DHRSX: variants seen among roughly 807,000 people sequenced by gnomAD.
DHRSX encodes the protein polyprenol dehydrogenase.
DHRSX carries 31 observed loss-of-function variants against 34.0 expected under a neutral mutation model. The ratio of observed to expected loss-of-function variants is 0.91; its 90% CI spans 0.69 to 1.23. DHRSX has a LOEUF of 1.23. DHRSX is among the 50% of genes most tolerant of loss of function. The pLI is 0.00. For synonymous variants in DHRSX, 201 were observed against 183.8 expected, an observed-to-expected ratio of 1.09 and a Z score of -0.76; for missense variants, 414 against 428.1, an observed-to-expected ratio of 0.97 and a Z score of 0.29.
intron 1 of DHRSX, among the ~76,000 whole-genome samples, chrX:2,482,776 C>A (rs1328733885): frequency 6.6e-6 from 1 of 152,112 alleles, no homozygotes; most frequent in Non-Finnish European, 1.5e-5. Context: ...CAGTTAAACA[C>A]AAATAAAATA....
intron 4 of DHRSX, among the ~76,000 whole-genome samples, chrX:2,288,059 TG>T (rs768211982): frequency 3.9e-4 from 59 of 151,898 alleles, no homozygotes; most frequent in Admixed American, 6.6e-4. Flanking sequence ...ATGATCCTGG[TG>T]GGCCCCAAAT....
At chrX:2,472,760 A>C (rs1401701331) in intron 1 of DHRSX, among the ~76,000 whole-genome samples, 2 of 152,080 alleles carry the variant, frequency 1.3e-5, no homozygotes, top group Admixed American at 1.3e-4. Context: ...CAAGAGTGCA[A>C]ATCATCTCAA....
chrX:2,225,032 CACATTCACACAT>C (rs1415575217), intron 6 of DHRSX, among the ~76,000 whole-genome samples: 1 of 148,866 alleles, frequency 6.7e-6, no homozygotes, highest in Non-Finnish European at 1.5e-5. Flanking sequence ...GCACACAGCT[CACATTCACACAT>C]GCATTCACAT....
At chrX:2,467,906 G>T (rs184550158) in intron 1 of DHRSX, among the ~76,000 whole-genome samples, 14,706 of 150,742 alleles carry the variant, frequency 0.098, 833 homozygotes, top group East Asian at 0.21. Context: ...GAGGTTGCAG[G>T]GAGCTGAGAT....
At chrX:2,413,815 T>G (rs1305790652) in intron 2 of DHRSX, among the ~76,000 whole-genome samples, 1 of 152,116 alleles carries the variant, frequency 6.6e-6, no homozygotes, top group African/African-American at 2.4e-5. Flanking sequence ...ATACACCTCA[T>G]CATAACTTAA....
At chrX:2,450,922 G>A (rs1165532643) in intron 1 of DHRSX, among the ~76,000 whole-genome samples, 1 of 151,910 alleles carries the variant, frequency 6.6e-6, no homozygotes, top group Non-Finnish European at 1.5e-5. Flanking sequence ...TGGGATCAGT[G>A]TCCTTATAAA....
At chrX:2,431,958 C>A (rs769821543) in intron 1 of DHRSX, among the ~76,000 whole-genome samples, 1 of 151,990 alleles carries the variant, frequency 6.6e-6, no homozygotes, top group Non-Finnish European at 1.5e-5. Flanking sequence ...TTTGGGAGGC[C>A]GAGACGGGTG....
intron 2 of DHRSX, among the ~76,000 whole-genome samples, chrX:2,412,366 G>A (rs1180111710): frequency 2.6e-5 from 4 of 152,184 alleles, no homozygotes; most frequent in Non-Finnish European, 5.9e-5. Context: ...TGACAGACAT[G>A]AGCCACTGCA....
At chrX:2,247,284 A>G (rs1172508656) in intron 5 of DHRSX, among the ~76,000 whole-genome samples, 1 of 151,952 alleles carries the variant, frequency 6.6e-6, no homozygotes, top group African/African-American at 2.4e-5. Context: ...TCCCTGTTAT[A>G]AAATGTCCAA....
At chrX:2,398,448 C>T (rs2317105) in intron 3 of DHRSX, among the ~76,000 whole-genome samples, 28,675 of 151,926 alleles carry the variant, frequency 0.19, 3,029 homozygotes, top group Middle Eastern at 0.32. Flanking sequence ...GTAGGAGGAT[C>T]GCCTGAGGCT....
At chrX:2,314,965 C>G (rs1426730016) in intron 3 of DHRSX, among the ~76,000 whole-genome samples, 3 of 152,086 alleles carry the variant, frequency 2.0e-5, no homozygotes, top group Non-Finnish European at 4.4e-5. Flanking sequence ...AAGAGACCAG[C>G]CTGACCAACA....
intron 3 of DHRSX, among the ~76,000 whole-genome samples, chrX:2,376,920 G>A (rs1215666917): frequency 6.6e-6 from 1 of 151,324 alleles, no homozygotes; most frequent in Non-Finnish European, 1.5e-5. Context: ...CTTGAACCCG[G>A]GAGGCAGAAG....
At chrX:2,399,441 T>G (rs1026992835) in intron 3 of DHRSX, among the ~76,000 whole-genome samples, 6 of 148,980 alleles carry the variant, frequency 4.0e-5, no homozygotes, top group African/African-American at 1.5e-4. Flanking sequence ...GCGTGATAGC[T>G]CACGCCTGTA....
intron 3 of DHRSX, among the ~76,000 whole-genome samples, chrX:2,327,795 A>G (rs765545343): frequency 6.6e-6 from 1 of 152,224 alleles, no homozygotes; most frequent in African/African-American, 2.4e-5. Context: ...AGAAGAGGAG[A>G]TGAGGCCGGG....
intron 3 of DHRSX, among the ~76,000 whole-genome samples, chrX:2,357,593 TAAAG>T (rs2042871872): frequency 7.1e-6 from 1 of 141,588 alleles, no homozygotes; most frequent in South Asian, 2.2e-4. Flanking sequence ...CAGTAAGGAA[TAAAG>T]AAAGAGCTAC....
At chrX:2,389,577 G>A (rs1359471652) in intron 3 of DHRSX, among the ~76,000 whole-genome samples, 9 of 151,936 alleles carry the variant, frequency 5.9e-5, no homozygotes, top group East Asian at 1.9e-4. Flanking sequence ...CTAAAACATG[G>A]GTACTTTTAT....
At chrX:2,260,199 G>A (rs2041344238) in intron 5 of DHRSX, among the ~76,000 whole-genome samples, 1 of 151,772 alleles carries the variant, frequency 6.6e-6, no homozygotes, top group Non-Finnish European at 1.5e-5. Flanking sequence ...ATTCCATTTA[G>A]GGCCCTTCTT....
chrX:2,403,842 G>C (rs2043519809), intron 3 of DHRSX, among the ~76,000 whole-genome samples: 1 of 146,982 alleles, frequency 6.8e-6, no homozygotes, highest in South Asian at 2.1e-4. Flanking sequence ...GGCAACAAGA[G>C]TGAAACTCTG....
At chrX:2,495,935 C>T (rs2045274049) in intron 1 of DHRSX, among the ~76,000 whole-genome samples, 1 of 152,150 alleles carries the variant, frequency 6.6e-6, no homozygotes, top group South Asian at 2.1e-4. Context: ...GAGGAAGGAG[C>T]CAGCCGCCAT....
Sources: allele counts gnomAD v4.1 joint callset (sites outside exome capture counted in the v4.1 genomes callset), GRCh38; gene constraint gnomAD v4.1.1; transcripts MANE v1.5; gene names NCBI Gene and HGNC (gene_info 2026-07-23, HGNC 2026-07-21).